Variants in FAM228B observed in about 807,000 individuals in gnomAD.
FAM228B encodes the protein family with sequence similarity 228 member B.
FAM228B carries 38 observed loss-of-function variants against 42.6 expected under a neutral mutation model. The observed-to-expected ratio is 0.89, with a 90% confidence interval of 0.69 to 1.17. The LOEUF (loss-of-function observed/expected upper bound fraction) is 1.17, where lower values mean the gene tolerates loss of function less well. Ranked by LOEUF, FAM228B falls within the 50% of genes most tolerant of loss-of-function variation. The probability of loss-of-function intolerance (pLI) is 0.00; values close to 1 mark genes in which losing one functional copy is unlikely to be tolerated. For missense variants in FAM228B, 344 were observed against 367.3 expected, an observed-to-expected ratio of 0.94 and a Z score of 0.52; for synonymous variants, 109 against 122.3, an observed-to-expected ratio of 0.89 and a Z score of 0.72.
intron 2 of FAM228B, among the ~76,000 whole-genome samples, chr2:24,125,062 G>C (rs1315599061): frequency 1.3e-5 from 2 of 152,118 alleles, no homozygotes; most frequent in Non-Finnish European, 2.9e-5. Flanking sequence ...AGATGTAATT[G>C]ATATACAGTA....
At chr2:24,150,799 T>C (rs11125454) in intron 7 of FAM228B, among the ~76,000 whole-genome samples, 88,334 of 152,062 alleles carry the variant, frequency 0.58, 26,373 homozygotes, top group East Asian at 0.75. Context: ...TGCTGCCAGA[T>C]GTGGTGGAGC....
At chr2:24,128,789 G>C (rs1666376461) in intron 2 of FAM228B, among the ~76,000 whole-genome samples, 1 of 151,944 alleles carries the variant, frequency 6.6e-6, no homozygotes, top group African/African-American at 2.4e-5. Flanking sequence ...GACACAGCAG[G>C]ATTCTTTCAG....
chr2:24,110,243 A>C (rs778124790), intron 3 of FAM228B, among the ~76,000 whole-genome samples: 13 of 152,302 alleles, frequency 8.5e-5, no homozygotes, highest in East Asian at 1.9e-4. Context: ...GAACACGTGG[A>C]TACTAGGAGG....
intron 8 of FAM228B, among the ~76,000 whole-genome samples, chr2:24,163,033 T>G (rs1667319439): frequency 6.6e-6 from 1 of 152,114 alleles, no homozygotes; most frequent in Non-Finnish European, 1.5e-5. Flanking sequence ...ACCATTGACT[T>G]GTACACTTAA....
intron 9 of FAM228B, among the ~76,000 whole-genome samples, chr2:24,164,659 A>C (rs1000459055): frequency 6.6e-6 from 1 of 152,168 alleles, no homozygotes; most frequent in Admixed American, 6.5e-5. Flanking sequence ...CCCCTCTCTC[A>C]GTCCGCCATC....
chr2:24,090,581 A>AG lies in FAM228B; in HGVS notation c.-209-4560_-209-4559insG, dbSNP rs1448419186. On this transcript the variant is annotated intron_variant, in intron 2 of 10. Transcript: ENST00000613899. ...CCATCTCAAAAAAAAAAAAAAAAAAAAATAGGAAATGGAGTTCAGCAACTT... is the reference window on the plus strand; with the variant it reads ...CCATCTCAAAAAAAAAAAAAAAAAAAGAATAGGAAATGGAGTTCAGCAACTT... 9.9e-5 allele frequency among the ~76,000 whole-genome samples: 15 copies of AG among 151,802 alleles called. No homozygotes were observed. In the South Asian group the frequency reaches 3.1e-3, roughly 32 times the overall value.
At chr2:24,168,090 T>C (rs1667469971) in intron 10 of FAM228B, 1 of 197,472 alleles carries the variant, frequency 5.1e-6, no homozygotes, top group South Asian at 1.0e-4. Flanking sequence ...ATTAGATCCA[T>C]TTCAGTATCT....
intron 3 of FAM228B, among the ~76,000 whole-genome samples, chr2:24,103,091 A>T (rs1409900372): frequency 2.0e-5 from 3 of 152,162 alleles, no homozygotes; most frequent in Non-Finnish European, 1.5e-5. Flanking sequence ...TTCACATATG[A>T]TGCATTTTTG....
Position 24,135,170 on chromosome 2 carries a change from G to T in FAM228B, c.151G>T (p.Glu51Ter), listed in dbSNP as rs1666550885. ...EAAIQSILYK[E>*]NSVIKELDKY... Reference sequence around the variant, plus strand: ...AGCTATTCAATCAATATTATACAAAGAAAATTCTGTAATTAAGGTAAGAAT... The same window carrying T: ...AGCTATTCAATCAATATTATACAAATAAAATTCTGTAATTAAGGTAAGAAT... The change falls in exon 3 of 11, where the codon GAA (glutamate) becomes TAA (stop). Residue 51 changes from glutamate (E) to a stop codon, truncating the protein, a stop_gained. Coordinates refer to ENST00000615575, the MANE Select transcript of FAM228B (RefSeq NM_001145710.2). LOFTEE classifies it high-confidence loss of function. 6.7e-7 allele frequency: 1 copy of T among 1,492,470 alleles called. No homozygotes were observed. Among genetic ancestry groups the T allele is most frequent in the Admixed American group, 2.2e-5 (1 of 45,708 alleles). 92.5% of individuals were successfully genotyped at this position (1,492,470 alleles called of 1,614,324 possible). A position where few individuals can be genotyped will look rare whatever the true frequency, so the allele number is the denominator to read the frequency against.
chr2:24,114,116 C>G (rs896415525), intron 3 of FAM228B, among the ~76,000 whole-genome samples: 1 of 152,050 alleles, frequency 6.6e-6, no homozygotes, highest in African/African-American at 2.4e-5. Flanking sequence ...GACATCCTGC[C>G]CTAGATGGCA....
intron 2 of FAM228B, among the ~76,000 whole-genome samples, chr2:24,089,910 T>TGAGCCGAGATTGTGCC (rs1281435061): frequency 2.1e-5 from 3 of 145,744 alleles, no homozygotes; most frequent in African/African-American, 7.7e-5. Context: ...GAGGTTGTGG[T>TGAGCCGAGATTGTGCC]GAGCCGAGAT....
At chr2:24,122,387 C>A (rs762310822), upstream of FAM228B, 11 of 1,425,422 alleles carry the variant, frequency 7.7e-6, no homozygotes, top group East Asian at 2.3e-5. Flanking sequence ...ATAAGTAAAT[C>A]AAGTCTTAGG....
In FAM228B at chr2:24,077,525, G is replaced by T. The variant is rs1664802607; in HGVS notation, c.-290+556G>T. On this transcript the variant is annotated intron_variant, in intron 1 of 10. Coordinates refer to the FAM228B transcript ENST00000613899. The surrounding 1 kb of genome is among the most constrained non-coding windows in gnomAD (Gnocchi z 5.5). ...GCCTGTCTATTGTGAATCTTCTCCA[G>T]GTTTGCTCTGGAAAGGCCTGGGGTG... 2 of 1,548,886 alleles carry T rather than the reference G, an allele frequency of 1.3e-6. No homozygotes were observed. Among genetic ancestry groups the T allele is most frequent in the Non-Finnish European group, 8.7e-7 (1 of 1,148,110 alleles).
rs984057367 is a variant in FAM228B at position 24,135,202 on chromosome 2, C to T, written c.168+15C>T. On this transcript the variant is annotated intron_variant, in intron 3 of 10. Transcript: ENST00000615575. ...CTGTAATTAAGGTAAGAATTGGCTA[C>T]AAAATGCATCTCAGTTAAAAATTAA... 7.5e-7 allele frequency: 1 copy of T among 1,340,372 alleles called. No individual in the cohort carries two copies. The highest frequency in any genetic ancestry group is 1.5e-5 in the African/African-American group (1 of 67,236). The allele number at this position is 1,340,372 out of a possible 1,614,324, so 83.0% of individuals were successfully genotyped here.
At position 24,080,658 on chromosome 2, in the gene FAM228B, C is replaced by A; in HGVS notation, c.-289-218C>A. On this transcript the variant is annotated intron_variant, in intron 1 of 10. Transcript: ENST00000613899. This position sits in a 1 kb window ranked among gnomAD's most constrained non-coding sequence, Gnocchi z 4.7. ...CTTAGATTTAAATATGACTGCCTGT[C>A]TCCAGTGGTCAAATACCATAGTACT... The A allele has an allele frequency of 2.7e-6, 2 of 747,424 alleles. No individual in the cohort carries two copies. Among genetic ancestry groups the A allele is most frequent in the South Asian group, 3.4e-5 (2 of 58,556 alleles). 46.3% of individuals were successfully genotyped at this position (747,424 alleles called of 1,614,324 possible).
At chr2:24,146,706 C>A in intron 5 of FAM228B, 42 bp from the exon 6 acceptor site, 3 of 1,387,992 alleles carry the variant, frequency 2.2e-6, no homozygotes, top group Non-Finnish European at 3.0e-6. Context: ...GTTTACTACT[C>A]AGACTTGCAA....
At chr2:24,138,247 A>C in intron 4 of FAM228B, 147 bp downstream of exon 4, 1 of 597,160 alleles carries the variant, frequency 1.7e-6, no homozygotes, top group East Asian at 3.3e-5. Context: ...AAGTATTCTT[A>C]AACCCAGGAC....
At chr2:24,097,476 G>T (rs1665523051) in intron 3 of FAM228B, 3 of 147,586 alleles carry the variant, frequency 2.0e-5, no homozygotes, top group Admixed American at 6.7e-5. Flanking sequence ...AAAAAAGCAG[G>T]GGTTGCAATC....
intron 2 of FAM228B, among the ~76,000 whole-genome samples, chr2:24,125,206 C>T (rs1666278136): frequency 6.6e-6 from 1 of 152,058 alleles, no homozygotes; most frequent in Non-Finnish European, 1.5e-5. Flanking sequence ...TATACTGAGA[C>T]CCTGTCTCCA....
Sources: allele counts gnomAD v4.1 joint callset (sites outside exome capture counted in the v4.1 genomes callset), GRCh38; gene constraint gnomAD v4.1.1; non-coding constraint Gnocchi (gnomAD v3.1); transcripts MANE v1.5; gene names NCBI Gene and HGNC (gene_info 2026-07-23, HGNC 2026-07-21).